CDH13: variants seen among roughly 807,000 people sequenced by gnomAD.
CDH13 encodes the protein cadherin-13.
CDH13 carries 24 observed loss-of-function variants against 63.8 expected under a neutral mutation model. That is an observed-to-expected ratio of 0.38 (90% CI 0.27 to 0.53). CDH13 has a LOEUF of 0.53. CDH13 is among the 20% of genes least tolerant of loss of function. The pLI, the probability that CDH13 is intolerant of heterozygous loss-of-function variation, is 0.85. For missense variants in CDH13, 1,049 were observed against 903.1 expected, an observed-to-expected ratio of 1.16 and a Z score of -2.07; for synonymous variants, 503 against 355.3, an observed-to-expected ratio of 1.42 and a Z score of -4.67.
chr16:82,960,987 T>C (rs868133035), intron 2 of CDH13, among the ~76,000 whole-genome samples: 3 of 152,186 alleles, frequency 2.0e-5, no homozygotes, highest in Admixed American at 1.3e-4. Context: ...ATGTTCCACA[T>C]TGGGTTCTGC....
intron 5 of CDH13, among the ~76,000 whole-genome samples, chr16:83,317,144 C>T (rs571654906): frequency 6.6e-6 from 1 of 152,286 alleles, no homozygotes; most frequent in African/African-American, 2.4e-5. Flanking sequence ...GAAAAGTCAC[C>T]CACCATTAAT....
intron 1 of CDH13, among the ~76,000 whole-genome samples, chr16:82,661,575 A>G (rs1330426606): frequency 6.6e-6 from 1 of 152,194 alleles, no homozygotes; most frequent in Non-Finnish European, 1.5e-5. Flanking sequence ...CTTCTAGAAG[A>G]TCCGTGCCTC....
At chr16:82,929,804 C>T (rs2042426771) in intron 2 of CDH13, among the ~76,000 whole-genome samples, 2 of 151,846 alleles carry the variant, frequency 1.3e-5, no homozygotes, top group Non-Finnish European at 2.9e-5. Flanking sequence ...TAAAAAGCCA[C>T]CCAGTCAATC....
intron 8 of CDH13, among the ~76,000 whole-genome samples, chr16:83,609,446 G>A (rs1423610018): frequency 2.6e-5 from 4 of 152,174 alleles, no homozygotes; most frequent in Non-Finnish European, 5.9e-5. Flanking sequence ...GGCATATTAT[G>A]AGTTTTATGT....
intron 3 of CDH13, among the ~76,000 whole-genome samples, chr16:83,066,590 A>G (rs1467915970): frequency 6.6e-6 from 1 of 152,234 alleles, no homozygotes; most frequent in East Asian, 1.9e-4. Context: ...AAGGACCAGG[A>G]AACTCAAAGT....
chr16:83,443,379 A>T (rs2072540623), intron 6 of CDH13, among the ~76,000 whole-genome samples: 3 of 152,186 alleles, frequency 2.0e-5, no homozygotes, highest in African/African-American at 7.2e-5. Flanking sequence ...CAGGACCATC[A>T]TTAGGAGCAC....
At chr16:82,714,421 G>A (rs2032200239) in intron 1 of CDH13, among the ~76,000 whole-genome samples, 1 of 152,096 alleles carries the variant, frequency 6.6e-6, no homozygotes, top group Non-Finnish European at 1.5e-5. Flanking sequence ...GTCCCTGTAA[G>A]AAGAAAAGAG....
intron 1 of CDH13, among the ~76,000 whole-genome samples, chr16:82,756,423 G>C (rs566105540): frequency 2.0e-5 from 3 of 152,146 alleles, no homozygotes; most frequent in Non-Finnish European, 4.4e-5. Flanking sequence ...ACCAGGAACT[G>C]TGTTAAATCC....
intron 2 of CDH13, among the ~76,000 whole-genome samples, chr16:82,986,855 G>T (rs1309568974): frequency 6.6e-6 from 1 of 152,198 alleles, no homozygotes. Context: ...AAATTTCCCA[G>T]TTCTTTTAAA....
chr16:82,686,830 C>T (rs1343833220), intron 1 of CDH13, among the ~76,000 whole-genome samples: 2 of 152,134 alleles, frequency 1.3e-5, no homozygotes, highest in Non-Finnish European at 2.9e-5. Context: ...GGCCATAACA[C>T]CCCCACCATG....
intron 1 of CDH13, among the ~76,000 whole-genome samples, chr16:82,812,382 G>C (rs570078974): frequency 8.7e-4 from 133 of 152,278 alleles, no homozygotes; most frequent in African/African-American, 3.1e-3. Context: ...AGAGTGGTCA[G>C]CAGGAAGCCT....
intron 5 of CDH13, among the ~76,000 whole-genome samples, chr16:83,323,608 A>G (rs1189514860): frequency 6.6e-6 from 1 of 152,058 alleles, no homozygotes; most frequent in Non-Finnish European, 1.5e-5. Context: ...AAACCTCTGG[A>G]AAAAAACAAA....
chr16:83,229,359 C>G (rs973296011), intron 5 of CDH13, among the ~76,000 whole-genome samples: 1 of 152,190 alleles, frequency 6.6e-6, no homozygotes, highest in African/African-American at 2.4e-5. Flanking sequence ...ACATAGCAAA[C>G]CAGAAAACCT....
At chr16:83,135,191 C>A (rs1404946928) in intron 4 of CDH13, among the ~76,000 whole-genome samples, 1 of 152,202 alleles carries the variant, frequency 6.6e-6, no homozygotes, top group Non-Finnish European at 1.5e-5. Flanking sequence ...GGCAATCCTA[C>A]ACTCATTTCT....
At chr16:83,162,850 T>A (rs148760347) in intron 4 of CDH13, among the ~76,000 whole-genome samples, 1 of 152,108 alleles carries the variant, frequency 6.6e-6, no homozygotes, top group South Asian at 2.1e-4. Context: ...TATAGCTGGA[T>A]TGGGGACTGT....
intron 2 of CDH13, among the ~76,000 whole-genome samples, chr16:82,989,636 G>A (rs111372424): frequency 3.4e-3 from 523 of 152,264 alleles, no homozygotes; most frequent in African/African-American, 0.012. Flanking sequence ...TAATTTTCTC[G>A]ATTAGTGCAG....
At chr16:82,967,318 T>G (rs556389023) in intron 2 of CDH13, among the ~76,000 whole-genome samples, 1 of 152,218 alleles carries the variant, frequency 6.6e-6, no homozygotes, top group Non-Finnish European at 1.5e-5. Context: ...TGCCCTCCCT[T>G]TATAGCTCTA....
At chr16:82,712,756 T>C (rs1190601229) in intron 1 of CDH13, among the ~76,000 whole-genome samples, 2 of 152,178 alleles carry the variant, frequency 1.3e-5, no homozygotes, top group Non-Finnish European at 2.9e-5. Context: ...GCATAGCCTT[T>C]CCTGGGATTA....
intron 1 of CDH13, among the ~76,000 whole-genome samples, chr16:82,708,374 C>T (rs1412606650): frequency 1.3e-5 from 2 of 152,136 alleles, no homozygotes; most frequent in African/African-American, 4.8e-5. Context: ...ATGCAAGAAA[C>T]ACTGAACAAC....
Sources: gnomAD v4.1 joint callset for allele counts (sites outside exome capture counted in the v4.1 genomes callset) on GRCh38, gnomAD v4.1.1 for gene constraint, MANE v1.5 for transcripts, NCBI Gene and HGNC (gene_info 2026-07-23, HGNC 2026-07-21) for gene names.